Variants in FAM193A observed in about 807,000 individuals in gnomAD.
FAM193A encodes the protein family with sequence similarity 193 member A.
A neutral mutation model predicts 126.5 loss-of-function variants in FAM193A; 22 were observed. The observed-to-expected ratio is 0.17, with a 90% CI of 0.12 to 0.25. The LOEUF is 0.25. FAM193A is among the 10% of genes least tolerant of loss of function. The pLI is 1.00. For missense variants in FAM193A, 1,675 were observed against 1,672.8 expected (o/e 1.00, Z -0.02); for synonymous variants, 761 against 646.8 (o/e 1.18, Z -2.68).
chr4:2,708,513 A>G (rs1398270623), intron 19 of FAM193A, among the ~76,000 whole-genome samples: 7 of 151,022 alleles, frequency 4.6e-5, no homozygotes, highest in African/African-American at 1.7e-4. Flanking sequence ...CCCAGGCTGG[A>G]GTGCAGTGGC....
At chr4:2,691,318 C>A (rs758651957) in intron 15 of FAM193A, among the ~76,000 whole-genome samples, 2 of 152,172 alleles carry the variant, frequency 1.3e-5, no homozygotes, top group Admixed American at 6.5e-5. Context: ...TGGGTTCAAG[C>A]GATTCTCCTA....
intron 1 of FAM193A, among the ~76,000 whole-genome samples, chr4:2,547,624 G>GTGTA: frequency 6.6e-6 from 1 of 150,582 alleles, no homozygotes; most frequent in African/African-American, 2.4e-5. Context: ...GTGTGTGTGT[G>GTGTA]TATGTATTTT....
chr4:2,615,763 G>A (rs151166152), intron 2 of FAM193A, among the ~76,000 whole-genome samples: 1,874 of 152,090 alleles, frequency 0.012, 37 homozygotes, highest in African/African-American at 0.043. Context: ...GTGATCTGCC[G>A]TCCTCGGCCT....
chr4:2,627,662 C>T (rs921236012), intron 4 of FAM193A, among the ~76,000 whole-genome samples: 2 of 145,658 alleles, frequency 1.4e-5, no homozygotes, highest in African/African-American at 5.1e-5. Flanking sequence ...ACTGCAACCT[C>T]TGCTGCCTGA....
chr4:2,720,184 C>G (rs1219569285), intron 20 of FAM193A: 1 of 153,950 alleles, frequency 6.5e-6, no homozygotes, highest in Non-Finnish European at 1.5e-5. Context: ...AGTAGATTTC[C>G]AAAAAAAGTA....
chr4:2,568,846 A>G (rs1306663066), intron 1 of FAM193A, among the ~76,000 whole-genome samples: 1 of 152,206 alleles, frequency 6.6e-6, no homozygotes, highest in Non-Finnish European at 1.5e-5. Context: ...GATTCTGTTA[A>G]GATTGTTCTT....
chr4:2,684,293 G>T (rs1715476709), intron 13 of FAM193A, among the ~76,000 whole-genome samples: 2 of 152,102 alleles, frequency 1.3e-5, no homozygotes, highest in African/African-American at 4.8e-5. Context: ...CAGTCCTCCA[G>T]TTAAGTGATT....
chr4:2,620,514 C>G (rs183694168), intron 2 of FAM193A, among the ~76,000 whole-genome samples: 28 of 152,132 alleles, frequency 1.8e-4, no homozygotes, highest in Middle Eastern at 3.4e-3. Context: ...AGATGGGCAC[C>G]GCGCTCATAA....
At chr4:2,653,602 C>T (rs1037129064) in intron 7 of FAM193A, among the ~76,000 whole-genome samples, 2 of 152,142 alleles carry the variant, frequency 1.3e-5, no homozygotes, top group Non-Finnish European at 2.9e-5. Flanking sequence ...CGCCACCACG[C>T]CCGGCTAATT....
chr4:2,580,688 T>C (rs923123681), intron 1 of FAM193A, among the ~76,000 whole-genome samples: 2 of 152,238 alleles, frequency 1.3e-5, no homozygotes, highest in Non-Finnish European at 2.9e-5. Flanking sequence ...CTCCTCACTC[T>C]CTTGCCATGT....
chr4:2,545,512 C>A (rs893474733), intron 1 of FAM193A, among the ~76,000 whole-genome samples: 1 of 151,964 alleles, frequency 6.6e-6, no homozygotes, highest in African/African-American at 2.4e-5. Flanking sequence ...GTGTCTATTC[C>A]TTTCTGTACA....
chr4:2,731,716 G>A, intron 20 of FAM193A, 59 bp from the exon 21 acceptor site: 1 of 1,345,910 alleles, frequency 7.4e-7, no homozygotes, highest in Non-Finnish European at 1.1e-6. Context: ...GCTTTGCCAA[G>A]CACCAGCTTG....
Position 2,625,336 on chromosome 4 carries a change from G to T in FAM193A, c.576G>T (p.Leu192=). ...PEAGSGGRLA[L]GAQTLPSDTA... Reference sequence around the variant, plus strand: ...CCGGCAGTGGTGGGAGGCTCGCTCTGGGTGCACAGACGCTGCCTTCAGACA... The same window carrying T: ...CCGGCAGTGGTGGGAGGCTCGCTCTTGGTGCACAGACGCTGCCTTCAGACA... Residue 192 remains leucine (L), a synonymous_variant, in exon 3 of 21, where the codon CTG becomes CTT. Coordinates refer to ENST00000637812, the MANE Select transcript of FAM193A (RefSeq NM_001366318.2). 1.4e-6 allele frequency: 1 copy of T among 703,020 alleles called. No individual in the cohort carries two copies. 43.5% of individuals were successfully genotyped at this position (703,020 alleles called of 1,614,324 possible). A position where few individuals can be genotyped will look rare whatever the true frequency, so the allele number is the denominator to read the frequency against.
intron 1 of FAM193A, among the ~76,000 whole-genome samples, chr4:2,538,558 A>T (rs1578549123): frequency 1.3e-5 from 2 of 151,888 alleles, no homozygotes; most frequent in African/African-American, 4.8e-5. Flanking sequence ...CAGTCTCCCG[A>T]GATTGCCCTC....
At chr4:2,676,173 A>G (rs939089396) in intron 13 of FAM193A, among the ~76,000 whole-genome samples, 1 of 152,148 alleles carries the variant, frequency 6.6e-6, no homozygotes, top group African/African-American at 2.4e-5. Context: ...TGGTAATTGT[A>G]TTTTTAATTT....
intron 10 of FAM193A, among the ~76,000 whole-genome samples, chr4:2,660,264 T>A (rs1712267393): frequency 6.6e-6 from 1 of 151,700 alleles, no homozygotes. Flanking sequence ...ACATGGTAAA[T>A]TAATAAAGGC....
intron 2 of FAM193A, among the ~76,000 whole-genome samples, chr4:2,612,136 C>T (rs937171540): frequency 6.6e-6 from 1 of 151,610 alleles, no homozygotes; most frequent in Non-Finnish European, 1.5e-5. Context: ...GCGCCCGGCT[C>T]CAATTTGTGT....
intron 6 of FAM193A, among the ~76,000 whole-genome samples, chr4:2,642,881 C>T (rs1014750298): frequency 6.6e-6 from 1 of 151,878 alleles, no homozygotes; most frequent in Non-Finnish European, 1.5e-5. Context: ...TACAGGCGCC[C>T]GCCACCACAC....
chr4:2,714,373 G>A (rs1382376925), intron 19 of FAM193A, among the ~76,000 whole-genome samples: 2 of 152,070 alleles, frequency 1.3e-5, no homozygotes, highest in Admixed American at 6.6e-5. Context: ...AGTCACATCC[G>A]CTATTCTGTG....
Sources: allele counts gnomAD v4.1 joint callset (sites outside exome capture counted in the v4.1 genomes callset), GRCh38; gene constraint gnomAD v4.1.1; transcripts MANE v1.5; gene names NCBI Gene and HGNC (gene_info 2026-07-23, HGNC 2026-07-21).